Variants in RPIA observed in about 807,000 individuals in gnomAD.
RPIA encodes the protein ribose 5-phosphate isomerase A.
RPIA carries 29 observed loss-of-function variants against 37.8 expected under a neutral mutation model. The observed-to-expected ratio is 0.77, with a 90% CI of 0.57 to 1.05. The LOEUF (loss-of-function observed/expected upper bound fraction) is 1.05. RPIA is among the 50% of genes least tolerant of loss of function. The pLI, the probability that RPIA is intolerant of heterozygous loss-of-function variation, is 0.00. For missense variants in RPIA, 385 were observed against 413.6 expected, an observed-to-expected ratio of 0.93 and a Z score of 0.60; for synonymous variants, 167 against 157.0, an observed-to-expected ratio of 1.06 and a Z score of -0.48.
intron 3 of RPIA, among the ~76,000 whole-genome samples, chr2:88,710,219 A>C (rs943842622): frequency 1.3e-5 from 2 of 151,870 alleles, no homozygotes; most frequent in Admixed American, 6.6e-5. Context: ...GCTTTTTAAA[A>C]ATTTTTTGTA....
rs777127840 is a variant in RPIA at position 88,734,627 on chromosome 2, T to C, written c.527+11T>C. 5.0e-6 allele frequency: 8 copies of C among 1,613,876 alleles called. No homozygotes were observed. The Middle Eastern group carries it at 6.6e-4, about 133-fold the overall frequency. On this transcript the variant is annotated intron_variant, in intron 5 of 8. Coordinates refer to ENST00000283646, the MANE Select transcript of RPIA (RefSeq NM_144563.3). ...CATCAAGGGTGGCGGGTGAGTGTTGTGGGGGCTTCTGTGCTAAAGAGTATC... is the reference window on the plus strand; with the variant it reads ...CATCAAGGGTGGCGGGTGAGTGTTGCGGGGGCTTCTGTGCTAAAGAGTATC...
chr2:88,697,264 A>G (rs993267826), intron 1 of RPIA, among the ~76,000 whole-genome samples: 5 of 152,246 alleles, frequency 3.3e-5, no homozygotes, highest in African/African-American at 1.2e-4. Context: ...TTTTCCTTAC[A>G]ATATTGAACT....
intron 3 of RPIA, among the ~76,000 whole-genome samples, chr2:88,727,760 T>G (rs1044305556): frequency 6.6e-6 from 1 of 152,250 alleles, no homozygotes; most frequent in Non-Finnish European, 1.5e-5. Flanking sequence ...GATAGTACTT[T>G]TGGAGAAATC....
Position 88,738,705 on chromosome 2 carries a change from C to T in RPIA, c.838+629C>T, listed in dbSNP as rs183040543. 1.9e-3 allele frequency among the ~76,000 whole-genome samples: 288 copies of T among 152,272 alleles called. 6 individuals are homozygous for T. The highest frequency in any genetic ancestry group is 1.1e-3 in the Non-Finnish European group (72 of 68,020). ...CTTTTTGGGAGAATGTGAGGATGTT[C>T]TATGGTGTAGAGGTGGTTTTTCATC... On this transcript the variant is annotated intron_variant, in intron 8 of 8. Coordinates refer to ENST00000283646, the MANE Select transcript of RPIA (RefSeq NM_144563.3).
chr2:88,737,952 G>A (rs765158489), intron 7 of RPIA, 25 bp from the exon 8 acceptor site: 12 of 1,563,610 alleles, frequency 7.7e-6, no homozygotes, highest in Admixed American at 3.3e-5. Flanking sequence ...TGCATCCTTG[G>A]TCACTGTGGA....
chr2:88,724,122 C>T (rs1388607776), intron 3 of RPIA, among the ~76,000 whole-genome samples: 1 of 152,056 alleles, frequency 6.6e-6, no homozygotes, highest in Non-Finnish European at 1.5e-5. Flanking sequence ...TTTCCTTTCA[C>T]AGTTTTATGT....
chr2:88,725,550 T>C (rs778477304), intron 3 of RPIA, among the ~76,000 whole-genome samples: 2 of 152,110 alleles, frequency 1.3e-5, no homozygotes, highest in Non-Finnish European at 2.9e-5. Context: ...TGTTCACATG[T>C]TGTTCTCCCT....
chr2:88,736,440 C>T (rs938829922), intron 6 of RPIA, 95 bp from the exon 7 acceptor site: 2 of 1,368,514 alleles, frequency 1.5e-6, no homozygotes, highest in East Asian at 2.3e-5. Flanking sequence ...TCCTTGCCTT[C>T]CCACCATCTC....
At chr2:88,736,444 C>G in intron 6 of RPIA, 91 bp from the exon 7 acceptor site, 1 of 1,411,380 alleles carries the variant, frequency 7.1e-7, no homozygotes, top group South Asian at 1.2e-5. Flanking sequence ...TGCCTTCCCA[C>G]CATCTCATTA....
Position 88,712,537 on chromosome 2 carries a change from C to T in RPIA, c.402+12473C>T, listed in dbSNP as rs542664469. Reference sequence around the variant, plus strand: ...TCTCACAGTTCACCCTCCCTCTCCTCTCCTAATTGTCCCAGTACAGTTACT... The same window carrying T: ...TCTCACAGTTCACCCTCCCTCTCCTTTCCTAATTGTCCCAGTACAGTTACT... On this transcript the variant is annotated intron_variant, in intron 3 of 8. Transcript: ENST00000283646. Among the ~76,000 whole-genome samples the T allele has an allele frequency of 2.0e-5, 3 of 152,324 alleles. No homozygotes were observed. In the East Asian group the frequency reaches 5.8e-4, roughly 29 times the overall value.
At chr2:88,725,475 G>A (rs1333826745) in intron 3 of RPIA, among the ~76,000 whole-genome samples, 2 of 152,120 alleles carry the variant, frequency 1.3e-5, no homozygotes, top group East Asian at 3.9e-4. Context: ...TAACTCTCTC[G>A]GTGGGTTGCT....
intron 3 of RPIA, among the ~76,000 whole-genome samples, chr2:88,711,617 C>T (rs1034329950): frequency 3.9e-5 from 6 of 152,200 alleles, no homozygotes; most frequent in African/African-American, 1.4e-4. Context: ...TTAATTAATT[C>T]TCCCCTGGGT....
intron 3 of RPIA, among the ~76,000 whole-genome samples, chr2:88,727,127 G>A (rs113689515): frequency 1.8e-4 from 27 of 152,318 alleles, no homozygotes; most frequent in Non-Finnish European, 3.7e-4. Context: ...GCATGTGTGC[G>A]CATGCGAGAG....
intron 1 of RPIA, among the ~76,000 whole-genome samples, chr2:88,693,583 C>T (rs148945490): frequency 1.1e-3 from 162 of 152,348 alleles, no homozygotes; most frequent in African/African-American, 3.8e-3. Context: ...GTGTTCGTTT[C>T]TTCCAGCCCC....
At chr2:88,738,415 C>T (rs1352021143) in intron 8 of RPIA, among the ~76,000 whole-genome samples, 1 of 152,222 alleles carries the variant, frequency 6.6e-6, no homozygotes, top group Non-Finnish European at 1.5e-5. Flanking sequence ...TGGACTACAG[C>T]CTTTTTTTGT....
intron 8 of RPIA, among the ~76,000 whole-genome samples, chr2:88,744,044 G>T (rs1262516462): frequency 6.6e-6 from 1 of 151,920 alleles, no homozygotes; most frequent in Non-Finnish European, 1.5e-5. Flanking sequence ...CTTTTCTTCT[G>T]TTGGGTTTGA....
intron 8 of RPIA, among the ~76,000 whole-genome samples, chr2:88,748,944 G>T (rs558324378): frequency 2.0e-5 from 3 of 152,234 alleles, no homozygotes; most frequent in African/African-American, 7.2e-5. Context: ...GAACTCCTGG[G>T]CTCCATCAGC....
At chr2:88,699,773 A>G (rs1357813022) in intron 2 of RPIA, among the ~76,000 whole-genome samples, 1 of 152,232 alleles carries the variant, frequency 6.6e-6, no homozygotes, top group Non-Finnish European at 1.5e-5. Context: ...AATGGCAAAC[A>G]CTGACACTGC....
At chr2:88,746,146 T>C (rs1473542866) in intron 8 of RPIA, among the ~76,000 whole-genome samples, 1 of 152,234 alleles carries the variant, frequency 6.6e-6, no homozygotes, top group Non-Finnish European at 1.5e-5. Context: ...TTATCTTTTC[T>C]TTATGATATC....
Sources: allele counts gnomAD v4.1 joint callset (sites outside exome capture counted in the v4.1 genomes callset), GRCh38; gene constraint gnomAD v4.1.1; transcripts MANE v1.5; gene names NCBI Gene and HGNC (gene_info 2026-07-23, HGNC 2026-07-21).